ANKRD31: variants seen among roughly 807,000 people sequenced by gnomAD.
ANKRD31 encodes ankyrin repeat domain-containing protein 31.
A neutral mutation model predicts 186.0 loss-of-function variants in ANKRD31; 147 were observed. The ratio of observed to expected loss-of-function variants is 0.79; its 90% CI spans 0.69 to 0.91. The LOEUF is 0.91. Among genes scored for constraint, ANKRD31 ranks in the 40% least tolerant of loss-of-function variants. The pLI is 0.00. For synonymous variants in ANKRD31, 673 were observed against 736.4 expected, an observed-to-expected ratio of 0.91 and a Z score of 1.39; for missense variants, 1,986 against 2,148.8, an observed-to-expected ratio of 0.92 and a Z score of 1.50.
chr5:75,120,182 C>T (rs2150086830), intron 17 of ANKRD31, among the ~76,000 whole-genome samples: 1 of 152,010 alleles, frequency 6.6e-6, no homozygotes. Context: ...ACTGCTTGAG[C>T]CCAGGAGTTC....
At chr5:75,186,321 A>G (rs948456017) in intron 10 of ANKRD31, among the ~76,000 whole-genome samples, 2 of 152,222 alleles carry the variant, frequency 1.3e-5, no homozygotes, top group African/African-American at 4.8e-5. Context: ...AAGATTTATG[A>G]TTACACTAAA....
chr5:75,197,533 T>C (rs554068683), intron 6 of ANKRD31, among the ~76,000 whole-genome samples: 1 of 152,302 alleles, frequency 6.6e-6, no homozygotes, highest in Admixed American at 6.5e-5. Context: ...TTGTATATAT[T>C]AATAGCATAC....
At chr5:75,151,614 C>T (rs578208425) in intron 12 of ANKRD31, among the ~76,000 whole-genome samples, 28 of 152,084 alleles carry the variant, frequency 1.8e-4, no homozygotes, top group African/African-American at 6.3e-4. Context: ...AATCTCTTTC[C>T]TTTATAAGTT....
At position 75,192,169 on chromosome 5, in the gene ANKRD31, ATAT is replaced by A. The variant is rs1323892776; in HGVS notation, c.1408+495_1408+497del. Among the ~76,000 whole-genome samples, 3 of 152,216 alleles carry A rather than the reference ATAT, an allele frequency of 2.0e-5. No individual in the cohort carries two copies. In the East Asian group the frequency reaches 5.8e-4, roughly 29 times the overall value. ...ATTCAGAAAACTTACCTCTGATACA[ATAT>A]TATTTTTTCATCTACAACCCATATT... On this transcript the variant is annotated intron_variant, in intron 9 of 25. Transcript: ENST00000506364.
intron 22 of ANKRD31, among the ~76,000 whole-genome samples, chr5:75,096,730 T>C (rs1188532998): frequency 1.3e-5 from 2 of 152,118 alleles, no homozygotes; most frequent in African/African-American, 2.4e-5. Flanking sequence ...TCGTTACATA[T>C]GTATACATGT....
chr5:75,182,368 A>T (rs1374792288), intron 10 of ANKRD31, among the ~76,000 whole-genome samples: 2 of 152,174 alleles, frequency 1.3e-5, no homozygotes, highest in African/African-American at 4.8e-5. Context: ...CTTCTAGAAA[A>T]CTTCCTTTCC....
intron 17 of ANKRD31, among the ~76,000 whole-genome samples, chr5:75,131,352 A>G (rs1262545508): frequency 1.3e-5 from 2 of 152,176 alleles, no homozygotes; most frequent in African/African-American, 4.8e-5. Context: ...ACAGCACACC[A>G]GGAGATTATA....
At chr5:75,082,466 A>G (rs755142823) in intron 24 of ANKRD31, among the ~76,000 whole-genome samples, 2 of 152,238 alleles carry the variant, frequency 1.3e-5, no homozygotes, top group Non-Finnish European at 2.9e-5. Context: ...GCTGTAGCAT[A>G]GGAGGGTAAT....
rs1234280644 is a variant in ANKRD31, at chr5:75,147,365, G to A, written c.2046C>T (p.Tyr682=). 8 of 1,531,200 alleles carry A rather than the reference G, an allele frequency of 5.2e-6. No homozygotes were observed. Among genetic ancestry groups the A allele is most frequent in the Admixed American group, 2.0e-5 (1 of 49,926 alleles). 94.9% of individuals were successfully genotyped at this position (1,531,200 alleles called of 1,614,324 possible). Residue 682 remains tyrosine, a synonymous_variant, in exon 14 of 26, where the codon TAC becomes TAT. Transcript: ENST00000506364. ...FINKEDVYEY[Y]QKDPKNTKFG... ...ATTTTGTGTTTTTGGGATCTTTTTG[G>A]TAATATTCATATACATCTTCTTTAT...
intron 5 of ANKRD31, among the ~76,000 whole-genome samples, chr5:75,200,817 C>T (rs1048521846): frequency 6.6e-6 from 1 of 151,202 alleles, no homozygotes; most frequent in Admixed American, 6.6e-5. Context: ...GAGGCTGAGG[C>T]ATGAGAATTG....
chr5:75,110,179 T>G (rs540677479), intron 20 of ANKRD31, among the ~76,000 whole-genome samples: 25 of 152,242 alleles, frequency 1.6e-4, no homozygotes, highest in Non-Finnish European at 3.2e-4. Context: ...GTTTCTGATT[T>G]TAGAGGCATT....
chr5:75,160,756 T>G (rs1752521061), intron 11 of ANKRD31, among the ~76,000 whole-genome samples: 1 of 152,106 alleles, frequency 6.6e-6, no homozygotes, highest in African/African-American at 2.4e-5. Context: ...AGGGACGCAG[T>G]GGGAGATAAT....
At chr5:75,098,639 T>C (rs59689668) in intron 22 of ANKRD31, among the ~76,000 whole-genome samples, 7,322 of 152,070 alleles carry the variant, frequency 0.048, 380 homozygotes, top group African/African-American at 0.13. Flanking sequence ...CTTGAAGATG[T>C]CCTTCACATC....
intron 6 of ANKRD31, among the ~76,000 whole-genome samples, chr5:75,197,940 C>T (rs958182328): frequency 2.0e-5 from 3 of 152,056 alleles, no homozygotes; most frequent in African/African-American, 7.2e-5. Flanking sequence ...TATAACACAG[C>T]GAAAACTGCA....
chr5:75,197,962 G>A (rs1370244837), intron 6 of ANKRD31, among the ~76,000 whole-genome samples: 1 of 152,140 alleles, frequency 6.6e-6, no homozygotes, highest in Admixed American at 6.6e-5. Flanking sequence ...GTCATGTAAC[G>A]CAGCCAGAAC....
intron 9 of ANKRD31, among the ~76,000 whole-genome samples, chr5:75,191,680 A>G (rs1755124083): frequency 6.6e-6 from 1 of 152,120 alleles, no homozygotes; most frequent in Non-Finnish European, 1.5e-5. Context: ...CTAGTCAAGA[A>G]CAAGGTTCTT....
intron 10 of ANKRD31, among the ~76,000 whole-genome samples, chr5:75,176,005 G>C (rs974893701): frequency 6.6e-6 from 1 of 152,064 alleles, no homozygotes; most frequent in East Asian, 1.9e-4. Context: ...GGTGACAGAC[G>C]GCACCTGGAA....
chr5:75,084,284 G>T lies in ANKRD31; in HGVS notation c.5563C>A (p.Pro1855Thr), dbSNP rs1434461197. Reference sequence around the variant, plus strand: ...GTTCTGTACATACCTGGAAGACAAGGTTGATATTGCTGAGGTACTGAGTTT... The same window carrying T: ...GTTCTGTACATACCTGGAAGACAAGTTTGATATTGCTGAGGTACTGAGTTT... ...EPNSVPQQYQ[P>T]CLPEVACLDD... Residue 1855 changes from proline (P) to threonine (T), a missense_variant, in exon 24 of 26, where the codon CCT becomes ACT. Transcript: ENST00000506364. 1 of 1,536,066 alleles carries T rather than the reference G, an allele frequency of 6.5e-7. No homozygotes were observed. The highest frequency in any genetic ancestry group is 8.7e-7 in the Non-Finnish European group (1 of 1,145,986).
At chr5:75,072,227 A>C (rs962490812) in intron 25 of ANKRD31, among the ~76,000 whole-genome samples, 1 of 152,204 alleles carries the variant, frequency 6.6e-6, no homozygotes, top group Non-Finnish European at 1.5e-5. Flanking sequence ...CAGAAAAACT[A>C]TATTTTTCAG....
Sources: gnomAD v4.1 joint callset for allele counts (sites outside exome capture counted in the v4.1 genomes callset) on GRCh38, gnomAD v4.1.1 for gene constraint, MANE v1.5 for transcripts, NCBI Gene and HGNC (gene_info 2026-07-23, HGNC 2026-07-21) for gene names.